The following NPHP4 variants were observed in gnomAD, a reference collection of about 807,000 sequenced individuals.
NPHP4 encodes the protein nephrocystin-4.
A neutral mutation model predicts 155.8 loss-of-function variants in NPHP4; 151 were observed. The observed-to-expected ratio is 0.97, with a 90% CI of 0.85 to 1.11. The LOEUF is 1.11. NPHP4 is among the 50% of genes least tolerant of loss of function. The pLI, the probability that NPHP4 is intolerant of heterozygous loss-of-function variation, is 0.00. For synonymous variants in NPHP4, 845 were observed against 816.8 expected, an observed-to-expected ratio of 1.03 and a Z score of -0.59; for missense variants, 1,956 against 1,925.7, an observed-to-expected ratio of 1.02 and a Z score of -0.29.
intron 11 of NPHP4, among the ~76,000 whole-genome samples, chr1:5,925,093 A>G (rs1645928511): frequency 6.6e-6 from 1 of 152,220 alleles, no homozygotes. Flanking sequence ...ATGTATTACT[A>G]CTGTACTTCT....
chr1:5,893,797 C>T (rs1186134505), intron 16 of NPHP4, among the ~76,000 whole-genome samples: 1 of 152,204 alleles, frequency 6.6e-6, no homozygotes, highest in Non-Finnish European at 1.5e-5. Flanking sequence ...TTCGCTACCG[C>T]TAGACCATGG....
intron 10 of NPHP4, among the ~76,000 whole-genome samples, 153 bp from the exon 11 acceptor site, chr1:5,927,940 T>C (rs906286753): frequency 2.0e-5 from 3 of 152,228 alleles, no homozygotes; most frequent in South Asian, 2.1e-4. Context: ...TATAATCAAG[T>C]AGTTTGAGCA....
chr1:5,863,454 G>GC (rs1366282810), intron 29 of NPHP4, 49 bp from the exon 30 acceptor site: 2 of 1,594,320 alleles, frequency 1.3e-6, no homozygotes, highest in Non-Finnish European at 1.7e-6. Flanking sequence ...GCTGTCCCAC[G>GC]CTCTCACCAG....
At chr1:5,916,549 C>T (rs1216570455) in intron 11 of NPHP4, among the ~76,000 whole-genome samples, 1 of 152,144 alleles carries the variant, frequency 6.6e-6, no homozygotes, top group Non-Finnish European at 1.5e-5. Flanking sequence ...TTTGCTGGTC[C>T]CCAAACAGTG....
At chr1:5,953,775 A>C (rs1299275820) in intron 6 of NPHP4, among the ~76,000 whole-genome samples, 5 of 152,226 alleles carry the variant, frequency 3.3e-5, no homozygotes. Flanking sequence ...CTTGCTCTAG[A>C]GCAAAGGCTC....
rs143895419 is a variant in NPHP4, at chr1:5,919,390, C to A, written c.1441+8259G>T. On this transcript the variant is annotated intron_variant, in intron 11 of 29. Transcript: ENST00000378156. ...TCCCACAGTGCCCTGTCCCCACATG[C>A]AGCTACCCTCACTAACATCCCAGAG... Among the ~76,000 whole-genome samples, 14 of 152,338 alleles carry A rather than the reference C, an allele frequency of 9.2e-5. No homozygotes were observed. In the East Asian group the frequency reaches 2.7e-3, roughly 29 times the overall value.
rs963356686 is a variant in NPHP4 at position 5,944,240 on chromosome 1, G to A, written c.1119+2864C>T. Among the ~76,000 whole-genome samples, 1 of 152,164 alleles carries A rather than the reference G, an allele frequency of 6.6e-6. No individual in the cohort carries two copies. Among genetic ancestry groups the A allele is most frequent in the Non-Finnish European group, 1.5e-5 (1 of 68,036 alleles). On this transcript the variant is annotated intron_variant, in intron 9 of 29. Transcript: ENST00000378156. The surrounding 1 kb of genome is among the most constrained non-coding windows in gnomAD (Gnocchi z 4.3). ...CAGCTGTGCTTACAGCTTCCACCACGCAGGGTCCTCACCAAAGACAAGGAG... is the reference window on the plus strand; with the variant it reads ...CAGCTGTGCTTACAGCTTCCACCACACAGGGTCCTCACCAAAGACAAGGAG...
chr1:5,923,138 A>C (rs1645829981), intron 11 of NPHP4, among the ~76,000 whole-genome samples: 1 of 152,232 alleles, frequency 6.6e-6, no homozygotes, highest in African/African-American at 2.4e-5. Context: ...GTGAATCACA[A>C]GTAGCACACA....
chr1:5,980,051 C>G (rs1570743785), intron 2 of NPHP4, among the ~76,000 whole-genome samples: 1 of 152,136 alleles, frequency 6.6e-6, no homozygotes, highest in African/African-American at 2.4e-5. Context: ...GACCAGACAC[C>G]TCGGGCCATC....
At position 5,877,074 on chromosome 1, in the gene NPHP4, C is replaced by A. The variant is rs559336713; in HGVS notation, c.2817+19G>T. ...CTGCATGGAGATCCCAGGACAGTGACAGCTGAACAAACCCTTACCAACACG... is the reference window on the plus strand; with the variant it reads ...CTGCATGGAGATCCCAGGACAGTGAAAGCTGAACAAACCCTTACCAACACG... On this transcript the variant is annotated intron_variant, in intron 20 of 29. Coordinates refer to ENST00000378156, the MANE Select transcript of NPHP4 (RefSeq NM_015102.5). 4 of 1,485,748 alleles carry A rather than the reference C, an allele frequency of 2.7e-6. No individual in the cohort carries two copies. In the African/African-American group the frequency reaches 5.5e-5, roughly 20 times the overall value. 92.0% of individuals were successfully genotyped at this position (1,485,748 alleles called of 1,614,324 possible).
chr1:5,951,167 C>A (rs1298034054), intron 7 of NPHP4, among the ~76,000 whole-genome samples: 1 of 152,200 alleles, frequency 6.6e-6, no homozygotes, highest in Admixed American at 6.5e-5. Context: ...GAAGGTGCAG[C>A]CGGAGGAGAC....
chr1:5,868,202 C>T lies in NPHP4; in HGVS notation c.3316-306G>A, dbSNP rs113912528. 755 of 451,972 alleles carry T rather than the reference C, an allele frequency of 1.7e-3. 4 individuals are homozygous for T. Among genetic ancestry groups the T allele is most frequent in the African/African-American group, 0.014 (683 of 50,424 alleles). 28.0% of individuals were successfully genotyped at this position (451,972 alleles called of 1,614,324 possible). ...AATGCCAGTGGAGAAGGTCTGCAGT[C>T]CCAAGTCAAAACTACTCCTGCCATG... On this transcript the variant is annotated intron_variant, in intron 23 of 29. Transcript: ENST00000378156.
intron 7 of NPHP4, among the ~76,000 whole-genome samples, chr1:5,950,380 C>G (rs895937108): frequency 6.6e-6 from 1 of 152,216 alleles, no homozygotes; most frequent in Non-Finnish European, 1.5e-5. Context: ...CCATGCCCAA[C>G]TCCGCCTCCA....
At chr1:5,975,780 C>T (rs777521931) in intron 3 of NPHP4, among the ~76,000 whole-genome samples, 20 of 152,326 alleles carry the variant, frequency 1.3e-4, no homozygotes, top group African/African-American at 3.4e-4. Context: ...CAACTTCCGC[C>T]GCAACGGAAG....
rs1333734627 is a variant in NPHP4, at chr1:5,986,154, C to T, written c.135+1G>A. Reference sequence around the variant, plus strand: ...CATTTGCTAACAGCACATTTTGTTACCTGCCTAATTACCGGTCCGTCCAGC... The same window carrying T: ...CATTTGCTAACAGCACATTTTGTTATCTGCCTAATTACCGGTCCGTCCAGC... On this transcript the variant is annotated splice_donor_variant, in intron 2 of 29. Coordinates refer to ENST00000378156, the MANE Select transcript of NPHP4 (RefSeq NM_015102.5). LOFTEE classifies it high-confidence loss of function. 2.5e-6 allele frequency: 4 copies of T among 1,613,850 alleles called. No individual in the cohort carries two copies. Among genetic ancestry groups the T allele is most frequent in the Admixed American group, 1.7e-5 (1 of 60,010 alleles).
intron 2 of NPHP4, among the ~76,000 whole-genome samples, chr1:5,985,875 C>T (rs902088824): frequency 5.9e-5 from 9 of 152,168 alleles, no homozygotes; most frequent in Non-Finnish European, 1.2e-4. Flanking sequence ...CAGAGCTTAG[C>T]GTGGCCCAGC....
intron 28 of NPHP4, 53 bp from the exon 29 acceptor site, chr1:5,864,086 T>C: frequency 6.3e-7 from 1 of 1,589,072 alleles, no homozygotes; most frequent in Admixed American, 1.7e-5. Flanking sequence ...GAACAGCCAC[T>C]GGCCCTTCCT....
At chr1:5,945,466 G>A (rs552934881) in intron 9 of NPHP4, among the ~76,000 whole-genome samples, 6 of 152,310 alleles carry the variant, frequency 3.9e-5, no homozygotes, top group Non-Finnish European at 5.9e-5. Context: ...TCCACAGAAC[G>A]CTTGGCACTT....
At chr1:5,894,920 C>T (rs960971370) in intron 16 of NPHP4, among the ~76,000 whole-genome samples, 2 of 152,134 alleles carry the variant, frequency 1.3e-5, no homozygotes, top group East Asian at 1.9e-4. Flanking sequence ...ATAGAAAAGA[C>T]GTGGAACCAA....
Sources: gnomAD v4.1 joint callset for allele counts (sites outside exome capture counted in the v4.1 genomes callset) on GRCh38, gnomAD v4.1.1 for gene constraint, Gnocchi (gnomAD v3.1) non-coding constraint, MANE v1.5 for transcripts, NCBI Gene and HGNC (gene_info 2026-07-23, HGNC 2026-07-21) for gene names.